Variants in TUSC3 observed in about 807,000 individuals in gnomAD.
TUSC3 encodes the protein tumor suppressor candidate 3, also known as dolichyl-diphosphooligosaccharide--protein glycosyltransferase subunit TUSC3.
In TUSC3, 45 loss-of-function variants were observed where a neutral mutation model predicts 44.8. That is an observed-to-expected ratio of 1.00 (90% CI 0.79 to 1.29). The LOEUF (loss-of-function observed/expected upper bound fraction) is 1.29, where lower values mean the gene tolerates loss of function less well. TUSC3 is among the 50% of genes most tolerant of loss of function. TUSC3 has a pLI of 0.00. For synonymous variants in TUSC3, 212 were observed against 152.9 expected, an observed-to-expected ratio of 1.39 and a Z score of -2.85; for missense variants, 519 against 437.9, an observed-to-expected ratio of 1.19 and a Z score of -1.65.
chr8:15,447,226 A>G (rs1205048588), intron 1 of TUSC3, among the ~76,000 whole-genome samples: 2 of 152,190 alleles, frequency 1.3e-5, no homozygotes, highest in African/African-American at 4.8e-5. Context: ...AACTACTATC[A>G]TATTTGAATA....
chr8:15,703,855 C>G (rs957802371), intron 6 of TUSC3, among the ~76,000 whole-genome samples: 1 of 152,206 alleles, frequency 6.6e-6, no homozygotes, highest in East Asian at 1.9e-4. Context: ...TTGGAGGGGA[C>G]AAACATACAA....
chr8:15,751,907 C>CATTTT (rs1811721096), intron 9 of TUSC3, among the ~76,000 whole-genome samples: 1 of 152,090 alleles, frequency 6.6e-6, no homozygotes, highest in African/African-American at 2.4e-5. Context: ...CTGATATAAC[C>CATTTT]ATTTTATGAG....
intron 5 of TUSC3, among the ~76,000 whole-genome samples, chr8:15,663,659 G>C (rs1807526550): frequency 6.6e-6 from 1 of 151,844 alleles, no homozygotes. Flanking sequence ...TTTTTTTAAA[G>C]AAAGTTTCTT....
At chr8:15,548,561 T>A (rs1236757148) in intron 1 of TUSC3, among the ~76,000 whole-genome samples, 1 of 151,798 alleles carries the variant, frequency 6.6e-6, no homozygotes, top group South Asian at 2.1e-4. Flanking sequence ...AAAAACAGCA[T>A]AGAAAAATGG....
intron 1 of TUSC3, among the ~76,000 whole-genome samples, chr8:15,558,861 A>G (rs535074613): frequency 1.3e-5 from 2 of 150,586 alleles, no homozygotes; most frequent in South Asian, 2.1e-4. Flanking sequence ...TATCCCCTTT[A>G]TCATTTTTTA....
intron 1 of TUSC3, among the ~76,000 whole-genome samples, chr8:15,547,665 G>A (rs1044064580): frequency 6.7e-6 from 1 of 149,880 alleles, no homozygotes; most frequent in African/African-American, 2.5e-5. Flanking sequence ...GAAAGTATTA[G>A]GAGGTGGGGC....
chr8:15,445,933 C>A (rs980653354), intron 1 of TUSC3, among the ~76,000 whole-genome samples: 1 of 139,012 alleles, frequency 7.2e-6, no homozygotes, highest in Non-Finnish European at 1.5e-5. Context: ...CCGGACGGGG[C>A]GGCTGGCCGG....
At chr8:15,603,955 G>A (rs1165442395) in intron 1 of TUSC3, among the ~76,000 whole-genome samples, 1 of 151,556 alleles carries the variant, frequency 6.6e-6, no homozygotes, top group Non-Finnish European at 1.5e-5. Context: ...CATGAATAAT[G>A]ATAATGATTC....
At position 15,423,969 on chromosome 8, in the gene TUSC3, G is replaced by GTTTTTGTTTTGTTTTTTTTTTTTT. The variant is rs1563247134; in HGVS notation, n.91+6669_91+6670insGTTTTGTTTTTTTTTTTTTTTTTT. 4.3e-5 allele frequency among the ~76,000 whole-genome samples: 3 copies of GTTTTTGTTTTGTTTTTTTTTTTTT among 70,362 alleles called. 1 individual carries two copies. Among genetic ancestry groups the GTTTTTGTTTTGTTTTTTTTTTTTT allele is most frequent in the African/African-American group, 1.2e-4 (3 of 24,460 alleles). 46.2% of individuals were successfully genotyped at this position (70,362 alleles called of 152,430 possible). A position where few individuals can be genotyped will look rare whatever the true frequency, so the allele number is the denominator to read the frequency against. On this transcript the variant is annotated intron_variant and non_coding_transcript_variant, in intron 1 of 5. Coordinates refer to the TUSC3 transcript ENST00000503191. ...TACAGCATTCATACTGTTTTGCTTT[G>GTTTTTGTTTTGTTTTTTTTTTTTT]TTTTTTTTTTTTTTTTTTTTTTTTT...
At position 15,496,176 on chromosome 8, in the gene TUSC3, T is replaced by C. The variant is rs543919971; in HGVS notation, n.189+12693T>C. On this transcript the variant is annotated intron_variant and non_coding_transcript_variant, in intron 2 of 5. Transcript: ENST00000503191. ...CGTCCTTGATAAATGATGTACTCTCTGGGTCTCACTGTAGCACAAAATCAT... is the reference window on the plus strand; with the variant it reads ...CGTCCTTGATAAATGATGTACTCTCCGGGTCTCACTGTAGCACAAAATCAT... 3.3e-5 allele frequency among the ~76,000 whole-genome samples: 5 copies of C among 152,324 alleles called. No homozygotes were observed. In the South Asian group the frequency reaches 6.2e-4, roughly 19 times the overall value.
intron 6 of TUSC3, among the ~76,000 whole-genome samples, chr8:15,697,397 C>CT (rs1235762793): frequency 6.6e-6 from 1 of 152,178 alleles, no homozygotes; most frequent in Non-Finnish European, 1.5e-5. Flanking sequence ...CTCATTCAGA[C>CT]TTTTTGATGT....
chr8:15,737,176 A>G (rs934338904), intron 7 of TUSC3, among the ~76,000 whole-genome samples: 2 of 152,256 alleles, frequency 1.3e-5, no homozygotes, highest in African/African-American at 4.8e-5. Context: ...GAAACATACT[A>G]TAGAAAAAAA....
chr8:15,748,405 T>G lies in TUSC3; in HGVS notation c.968T>G (p.Val323Gly). Residue 323 changes from valine (V) to glycine (G), a missense_variant, in exon 9 of 11, where the codon GTC becomes GGC. Val to Gly is a moderately radical substitution (Grantham distance 109, BLOSUM62 -3). Coordinates refer to ENST00000503731, the MANE Select transcript of TUSC3 (RefSeq NM_006765.4). ...IICLVGLGLV[V>G]FFFSFLLSIF... Reference sequence around the variant, plus strand: ...TGCCTAGTGGGATTGGGCCTGGTGGTCTTCTTCTTCAGTTTTCTACTTTCA... The same window carrying G: ...TGCCTAGTGGGATTGGGCCTGGTGGGCTTCTTCTTCAGTTTTCTACTTTCA... The G allele has an allele frequency of 6.2e-7, 1 of 1,613,402 alleles. No individual in the cohort carries two copies. The highest frequency in any genetic ancestry group is 1.3e-5 in the African/African-American group (1 of 75,024).
At chr8:15,419,404 T>C (rs1405604364) in intron 1 of TUSC3, among the ~76,000 whole-genome samples, 1 of 152,236 alleles carries the variant, frequency 6.6e-6, no homozygotes, top group African/African-American at 2.4e-5. Flanking sequence ...CTGAAGTCAG[T>C]TATCTTCTGA....
chr8:15,673,661 C>T, intron 5 of TUSC3, 86 bp from the exon 6 acceptor site: 2 of 1,152,076 alleles, frequency 1.7e-6, no homozygotes, highest in Admixed American at 1.7e-5. Flanking sequence ...TTAAAAGATA[C>T]TTTCATGATG....
chr8:15,605,922 T>G (rs995289939), intron 1 of TUSC3, among the ~76,000 whole-genome samples: 6 of 152,042 alleles, frequency 3.9e-5, no homozygotes, highest in African/African-American at 1.4e-4. Flanking sequence ...AGTAGCCACT[T>G]AAAATGCCTT....
At chr8:15,836,711 G>T in the TUSC3 span, among the ~76,000 whole-genome samples, 60 of 151,838 alleles carry the variant, frequency 4.0e-4, no homozygotes, top group Admixed American at 8.5e-4. Flanking sequence ...TCAAATTTTA[G>T]TTCATTTATA....
intron 6 of TUSC3, among the ~76,000 whole-genome samples, chr8:15,693,189 C>T (rs1303383028): frequency 1.3e-5 from 2 of 152,184 alleles, no homozygotes; most frequent in Non-Finnish European, 2.9e-5. Context: ...GGATTTGATC[C>T]TGTCATCCTA....
At chr8:15,499,637 G>A (rs1324720748) in intron 2 of TUSC3, among the ~76,000 whole-genome samples, 1 of 152,120 alleles carries the variant, frequency 6.6e-6, no homozygotes, top group Non-Finnish European at 1.5e-5. Context: ...CAACTTCACT[G>A]GTCCACGGGG....
Sources: gnomAD v4.1 joint callset for allele counts (sites outside exome capture counted in the v4.1 genomes callset) on GRCh38, gnomAD v4.1.1 for gene constraint, MANE v1.5 for transcripts, NCBI Gene and HGNC (gene_info 2026-07-23, HGNC 2026-07-21) for gene names.